Variants in KIR3DL1 observed in about 807,000 individuals in gnomAD.
KIR3DL1 encodes the protein killer cell immunoglobulin like receptor, three Ig domains and long cytoplasmic tail 1, also known as killer cell immunoglobulin-like receptor 3DL1.
KIR3DL1 carries 50 observed loss-of-function variants against 40.3 expected under a neutral mutation model. The ratio of observed to expected loss-of-function variants is 1.24; its 90% confidence interval spans 0.99 to 1.57. The LOEUF is 1.57. KIR3DL1 is among the 40% of genes most tolerant of loss of function. The pLI is 0.00. For missense variants in KIR3DL1, 661 were observed against 559.9 expected, an observed-to-expected ratio of 1.18 and a Z score of -1.82; for synonymous variants, 257 against 207.2, an observed-to-expected ratio of 1.24 and a Z score of -2.07.
chr19:54,817,473 G>T, intron 1 of KIR3DL1, 61 bp from the exon 2 acceptor site: 1 of 1,341,308 alleles, frequency 7.5e-7, no homozygotes, highest in Non-Finnish European at 1.0e-6. Flanking sequence ...AGCCCAGTGG[G>T]GGCAGCAGGG....
At chr19:54,824,764 A>G (rs1251857309) in intron 5 of KIR3DL1, among the ~76,000 whole-genome samples, 3 of 149,620 alleles carry the variant, frequency 2.0e-5, no homozygotes, top group Admixed American at 2.0e-4. Context: ...GCCTTTCTTT[A>G]TGCCAATGTC....
intron 2 of KIR3DL1, among the ~76,000 whole-genome samples, chr19:54,818,093 A>G (rs1242729087): frequency 8.4e-6 from 1 of 119,284 alleles, no homozygotes; most frequent in Non-Finnish European, 1.7e-5. Context: ...CAGTATTAAA[A>G]TCTAGTAAGA....
At chr19:54,828,447 G>A (rs1601429824) in intron 6 of KIR3DL1, among the ~76,000 whole-genome samples, 5 of 151,142 alleles carry the variant, frequency 3.3e-5, no homozygotes, top group Admixed American at 2.0e-4. Flanking sequence ...CGTTACATAG[G>A]CAGGTTCATT....
intron 5 of KIR3DL1, among the ~76,000 whole-genome samples, chr19:54,824,266 T>A (rs71367108): frequency 0.29 from 42,721 of 145,588 alleles, 6,849 homozygotes; most frequent in Non-Finnish European, 0.33. Flanking sequence ...TTTTTGTGTA[T>A]GGTGACAGGT....
intron 6 of KIR3DL1, among the ~76,000 whole-genome samples, chr19:54,829,115 T>G (rs112236744): frequency 0.034 from 4,361 of 128,690 alleles, 205 homozygotes; most frequent in South Asian, 0.057. Flanking sequence ...ACACTGGGGG[T>G]TAAATTTCAA....
intron 1 of KIR3DL1, 52 bp downstream of exon 1, chr19:54,816,586 C>T: frequency 6.6e-7 from 1 of 1,517,616 alleles, no homozygotes; most frequent in Non-Finnish European, 9.0e-7. Context: ...GAGATCTGGA[C>T]CTGGAGGTAA....
At chr19:54,821,000 T>C in intron 4 of KIR3DL1, among the ~76,000 whole-genome samples, 1 of 145,454 alleles carries the variant, frequency 6.9e-6, no homozygotes, top group East Asian at 2.0e-4. Flanking sequence ...AGATGATACA[T>C]AGAGATGACG....
chr19:54,830,575 A>G (rs4806580), exon 9 of KIR3DL1: 147,900 of 398,178 alleles, frequency 0.37, 35,998 homozygotes, highest in Non-Finnish European at 0.41. Context: ...TTGAGGCTGC[A>G]ATCACACTGA....
intron 3 of KIR3DL1, among the ~76,000 whole-genome samples, chr19:54,818,890 AC>A (rs1225754241): frequency 6.6e-6 from 1 of 150,566 alleles, no homozygotes; most frequent in Non-Finnish European, 1.5e-5. Context: ...GACAGCCTGG[AC>A]TGTCCCACTG....
chr19:54,821,910 A>G (rs538579997), intron 5 of KIR3DL1, 52 bp downstream of exon 5: 6 of 1,555,978 alleles, frequency 3.9e-6, no homozygotes, highest in African/African-American at 2.8e-5. Flanking sequence ...ATCCTTAGCT[A>G]AGGAGCTTCC....
intron 5 of KIR3DL1, among the ~76,000 whole-genome samples, chr19:54,822,307 T>C (rs1488229357): frequency 6.6e-6 from 1 of 151,344 alleles, no homozygotes; most frequent in South Asian, 2.1e-4. Flanking sequence ...TTACCATTTT[T>C]AAAAGTAAAA....
At chr19:54,817,914 G>A (rs2061430200) in intron 2 of KIR3DL1, among the ~76,000 whole-genome samples, 1 of 144,236 alleles carries the variant, frequency 6.9e-6, no homozygotes, top group South Asian at 2.2e-4. Context: ...AGGGGCTGCA[G>A]TGTGGCTGCG....
chr19:54,818,351 G>C, exon 3 of KIR3DL1: 1 of 1,605,116 alleles, frequency 6.2e-7, no homozygotes, highest in Non-Finnish European at 8.5e-7. Context: ...GCCTGGCCCA[G>C]CGCTGTGGTG....
intron 6 of KIR3DL1, among the ~76,000 whole-genome samples, chr19:54,828,611 C>T (rs1178357430): frequency 6.6e-5 from 10 of 150,598 alleles, no homozygotes; most frequent in African/African-American, 9.9e-5. Context: ...GGTTTTGTAC[C>T]CTGGAGCCAC....
intron 4 of KIR3DL1, 59 bp from the exon 5 acceptor site, chr19:54,821,506 A>G (rs688250): frequency 0.22 from 338,444 of 1,533,992 alleles, 38,998 homozygotes; most frequent in South Asian, 0.32. Context: ...CAGCTCAGGT[A>G]TGAGGGGAGC....
At chr19:54,819,611 G>A (rs1298727416) in intron 3 of KIR3DL1, 102 bp from the exon 4 acceptor site, 10 of 1,357,568 alleles carry the variant, frequency 7.4e-6, no homozygotes, top group Non-Finnish European at 1.0e-5. Flanking sequence ...CAGAGAGGGA[G>A]GAGAGAGACA....
At chr19:54,819,669 T>C in intron 3 of KIR3DL1, 44 bp from the exon 4 acceptor site, 2 of 1,580,954 alleles carry the variant, frequency 1.3e-6, no homozygotes, top group Non-Finnish European at 1.7e-6. Flanking sequence ...ATGGATGGGA[T>C]GATAAAGAGA....
Position 54,830,376 on chromosome 19 carries a change from C to T in KIR3DL1, c.*101C>T, listed in dbSNP as rs528507528. The T allele has an allele frequency of 1.6e-5, 21 of 1,305,810 alleles. 4 individuals carry two copies. In the South Asian group the frequency reaches 1.9e-4, roughly 12 times the overall value. The allele number at this position is 1,305,810 out of a possible 1,614,324, so 80.9% of individuals were successfully genotyped here. ...TGTACCAGCAGCTGGAATCTGAAGG[C>T]GTGAGTCTTCATCTTAGGGCATCGC... On this transcript the variant is annotated 3_prime_UTR_variant, in exon 9 of 9. Coordinates refer to ENST00000391728, the Ensembl canonical transcript of KIR3DL1.
rs746444824 is a variant in KIR3DL1 at position 54,818,331 on chromosome 19, C to A, written c.87C>A (p.Pro29=). ...CTCCCCCAGGTGGTCAGGACAAACC[C>A]TTCCTGTCTGCCTGGCCCAGCGCTG... is the stretch of plus-strand genomic sequence containing the variant. The change falls in exon 3 of 9, where the codon CCC becomes CCA. Residue 29 remains proline, a synonymous_variant. Coordinates refer to ENST00000391728, the Ensembl canonical transcript of KIR3DL1. The A allele has an allele frequency of 2.7e-5, 43 of 1,602,202 alleles. 1 individual carries two copies. Among genetic ancestry groups the A allele is most frequent in the Non-Finnish European group, 3.6e-5 (42 of 1,176,052 alleles).
Sources: gnomAD v4.1 joint callset for allele counts (sites outside exome capture counted in the v4.1 genomes callset) on GRCh38, gnomAD v4.1.1 for gene constraint, MANE v1.5 for transcripts, NCBI Gene and HGNC (gene_info 2026-07-23, HGNC 2026-07-21) for gene names.